The following MAPKBP1 variants were observed in gnomAD, a reference collection of about 807,000 sequenced individuals.
The protein encoded by MAPKBP1 is mitogen-activated protein kinase binding protein 1, also known as mitogen-activated protein kinase-binding protein 1.
In MAPKBP1, 71 loss-of-function variants were observed where a neutral mutation model predicts 170.5. The observed-to-expected ratio is 0.42, with a 90% CI of 0.34 to 0.51. The LOEUF (loss-of-function observed/expected upper bound fraction) is 0.51, where lower values mean the gene tolerates loss of function less well. Ranked by LOEUF, MAPKBP1 falls within the 20% of genes least tolerant of loss-of-function variation. The pLI is 0.06. For missense variants in MAPKBP1, 1,598 were observed against 1,933.0 expected, an observed-to-expected ratio of 0.83 and a Z score of 3.25; for synonymous variants, 719 against 757.9, an observed-to-expected ratio of 0.95 and a Z score of 0.84.
At chr15:41,822,184 AT>A (rs1567155880) in intron 25 of MAPKBP1, 40 bp from the exon 26 acceptor site, 2 of 1,604,872 alleles carry the variant, frequency 1.2e-6, no homozygotes, top group East Asian at 2.2e-5. Flanking sequence ...CTGGCAACAG[AT>A]GGGTGCAGTG....
At position 41,818,441 on chromosome 15, in the gene MAPKBP1, C is replaced by T. The variant is rs144048924; in HGVS notation, c.2093-78C>T. The T allele has an allele frequency of 1.0e-5, 15 of 1,482,144 alleles. No individual in the cohort carries two copies. Among genetic ancestry groups the T allele is most frequent in the African/African-American group, 4.1e-5 (3 of 72,536 alleles). The allele number at this position is 1,482,144 out of a possible 1,614,324, so 91.8% of individuals were successfully genotyped here. A position where few individuals can be genotyped will look rare whatever the true frequency, so the allele number is the denominator to read the frequency against. On this transcript the variant is annotated intron_variant, in intron 18 of 30. Coordinates refer to ENST00000457542, the MANE Select transcript of MAPKBP1 (RefSeq NM_014994.3). This position sits in a 1 kb window ranked among gnomAD's most constrained non-coding sequence, Gnocchi z 5.2. ...CTATCCCTACCCTGCAGCCAACCCC[C>T]GTGTCCACTGTTGGGATGGAGAGGA... is the stretch of plus-strand genomic sequence containing the variant.
At chr15:41,815,198 T>C in intron 10 of MAPKBP1, 61 bp from the exon 11 acceptor site, 1 of 1,600,020 alleles carries the variant, frequency 6.2e-7, no homozygotes, top group Non-Finnish European at 8.5e-7. Context: ...TTCCATCTCC[T>C]TGGGTAGGCA....
rs1055855589 is a variant in MAPKBP1 at position 41,816,764 on chromosome 15, C to T, written c.1585+114C>T. The T allele has an allele frequency of 6.2e-6, 9 of 1,453,450 alleles. 1 individual carries two copies. In the South Asian group the frequency reaches 1.1e-4, roughly 17 times the overall value. The allele number at this position is 1,453,450 out of a possible 1,614,324, so 90.0% of individuals were successfully genotyped here. A position where few individuals can be genotyped will look rare whatever the true frequency, so the allele number is the denominator to read the frequency against. ...AATCTTTGGATCATTGGTGTCTTTG[C>T]TGGTTTAGAGGAAGACAGCTCTGTC... On this transcript the variant is annotated intron_variant, in intron 13 of 30. Transcript: ENST00000457542.
intron 2 of MAPKBP1, among the ~76,000 whole-genome samples, chr15:41,782,014 C>T (rs1336539167): frequency 2.0e-5 from 3 of 149,992 alleles, no homozygotes; most frequent in Non-Finnish European, 4.4e-5. Flanking sequence ...TTTGGGAGGC[C>T]GAGGCGGGCG....
chr15:41,780,190 G>A (rs2064161838), intron 2 of MAPKBP1, among the ~76,000 whole-genome samples: 1 of 152,178 alleles, frequency 6.6e-6, no homozygotes, highest in Admixed American at 6.5e-5. Flanking sequence ...TTGCAATTTA[G>A]GGCAGGTTCC....
chr15:41,817,368 T>C lies in MAPKBP1; in HGVS notation c.1712-20T>C, dbSNP rs1361941686. 1 of 1,613,656 alleles carries C rather than the reference T, an allele frequency of 6.2e-7. No individual in the cohort carries two copies. The highest frequency in any genetic ancestry group is 8.5e-7 in the Non-Finnish European group (1 of 1,179,564). On this transcript the variant is annotated intron_variant, in intron 14 of 30. Transcript: ENST00000457542. The surrounding 1 kb of genome is among the most constrained non-coding windows in gnomAD (Gnocchi z 4.2). The stretch of plus-strand genomic sequence containing the variant: ...ATGTGGTGAGAACAGTGGGAACAGC[T>C]GGGCTTCCCTCCTTCATAGCCAGTG...
At chr15:41,813,558 G>C in intron 8 of MAPKBP1, 63 bp from the exon 9 acceptor site, 1 of 1,587,634 alleles carries the variant, frequency 6.3e-7, no homozygotes, top group Non-Finnish European at 8.6e-7. Flanking sequence ...CTGTTGATGG[G>C]TGGGGAGGAG....
chr15:41,821,184 T>C (rs79372875), intron 23 of MAPKBP1, 116 bp downstream of exon 23: 2 of 971,820 alleles, frequency 2.1e-6, no homozygotes, highest in South Asian at 1.5e-5. Flanking sequence ...CTGTGGCACA[T>C]GGGTAACCTG....
At chr15:41,779,486 G>A (rs1009312556) in intron 2 of MAPKBP1, among the ~76,000 whole-genome samples, 6 of 152,186 alleles carry the variant, frequency 3.9e-5, no homozygotes, top group South Asian at 2.1e-4. Context: ...TGGGATTACA[G>A]GTATGAGCCA....
chr15:41,787,253 AAAG>A (rs919012038), intron 2 of MAPKBP1, among the ~76,000 whole-genome samples: 7 of 152,340 alleles, frequency 4.6e-5, no homozygotes, highest in Admixed American at 6.5e-5. Context: ...AGAAAAGCAT[AAAG>A]AAGAAGAAAA....
chr15:41,788,089 C>T (rs1032745288), intron 2 of MAPKBP1, among the ~76,000 whole-genome samples: 1 of 152,062 alleles, frequency 6.6e-6, no homozygotes, highest in African/African-American at 2.4e-5. Context: ...TCCCAAGTAG[C>T]TGCGATTACA....
chr15:41,775,029 G>C (rs2064074046), intron 1 of MAPKBP1, 138 bp from the exon 2 acceptor site: 1 of 443,164 alleles, frequency 2.3e-6, no homozygotes, highest in Non-Finnish European at 4.0e-6. Flanking sequence ...CTTTCCTTCC[G>C]ACGTTGTAAG....
rs555322773 is a variant in MAPKBP1, at chr15:41,823,455, G to A, written c.3607G>A (p.Glu1203Lys). Reference sequence around the variant, plus strand: ...CTCTGTCTCCTTTGCAGAAAGACATGAGGCCAGTCTGCAGGCCCCTTCACC... The same window carrying A: ...CTCTGTCTCCTTTGCAGAAAGACATAAGGCCAGTCTGCAGGCCCCTTCACC... Reference protein sequence around the residue: ...VHSLVPQERHEASLQAPSPGA... With the variant: ...VHSLVPQERHKASLQAPSPGA... Residue 1203 changes from glutamate to lysine, a missense_variant, in exon 29 of 31, where the codon GAG (glutamate) becomes AAG (lysine). Physicochemically the swap from Glu to Lys is moderately conservative, Grantham distance 56. Around this residue, in one of 6 missense-constraint regions of MAPKBP1, gnomAD observed 942 missense variants for 953.2 expected, o/e 0.99. Transcript: ENST00000457542. 3 of 1,610,802 alleles carry A rather than the reference G, an allele frequency of 1.9e-6. No individual in the cohort carries two copies. Among genetic ancestry groups the A allele is most frequent in the African/African-American group, 2.7e-5 (2 of 74,972 alleles).
chr15:41,805,542 C>T lies in MAPKBP1; in HGVS notation c.207-5341C>T, dbSNP rs541383395. On this transcript the variant is annotated intron_variant, in intron 3 of 30. Coordinates refer to ENST00000457542, the MANE Select transcript of MAPKBP1 (RefSeq NM_014994.3). ...GATGGGAAGTGTCCCAGCAAGGTGA[C>T]GGGGTGTATCTGGCAGCTAAGAAGA... is the stretch of plus-strand genomic sequence containing the variant. Among the ~76,000 whole-genome samples, 34 of 152,302 alleles carry T rather than the reference C, an allele frequency of 2.2e-4. No individual in the cohort carries two copies. The South Asian group carries it at 6.8e-3, about 31-fold the overall frequency.
intron 2 of MAPKBP1, among the ~76,000 whole-genome samples, chr15:41,786,645 G>A (rs980231898): frequency 1.6e-4 from 24 of 149,472 alleles, no homozygotes; most frequent in Non-Finnish European, 3.1e-4. Context: ...GGTGCCCGTA[G>A]TCCCAGCTAC....
rs540052263 is a variant in MAPKBP1 at position 41,823,016 on chromosome 15, C to T, written c.3392C>T (p.Pro1131Leu). The change falls in exon 28 of 31, where the codon CCG becomes CTG. Residue 1131 changes from proline to leucine, a missense_variant. Transcript: ENST00000457542. ...AQVPQASGEQ[P>L]RGNGANPPGA... ...GTGCCACAGGCATCTGGTGAGCAGC[C>T]GAGAGGCAATGGTGCCAATCCCCCT... 22 of 1,614,070 alleles carry T rather than the reference C, an allele frequency of 1.4e-5. No homozygotes were observed. The Admixed American group carries it at 2.5e-4, about 18-fold the overall frequency.
At position 41,822,643 on chromosome 15, in the gene MAPKBP1, C is replaced by T. The variant is rs536227503; in HGVS notation, c.3280C>T (p.Arg1094Ter). 4 of 1,614,088 alleles carry T rather than the reference C, an allele frequency of 2.5e-6. No individual in the cohort carries two copies. Among genetic ancestry groups the T allele is most frequent in the Admixed American group, 1.7e-5 (1 of 60,012 alleles). Residue 1094 changes from arginine (R) to a stop codon, truncating the protein, a stop_gained, in exon 27 of 31, where the codon CGA becomes TGA. Coordinates refer to ENST00000457542, the MANE Select transcript of MAPKBP1 (RefSeq NM_014994.3). LOFTEE classifies it high-confidence loss of function. ...GTCAGAGTCTCGGAGTATCTCTTCA[C>T]GATTCCTGTTGCAAGTACAGACCCG... ...ERSESRSISS[R>*]FLLQVQTRPL...
At chr15:41,814,319 C>CT (rs2064853784) in intron 9 of MAPKBP1, among the ~76,000 whole-genome samples, 1 of 152,174 alleles carries the variant, frequency 6.6e-6, no homozygotes, top group Non-Finnish European at 1.5e-5. Context: ...AGTACCTTGT[C>CT]TAACGTTGGT....
chr15:41,777,015 G>A (rs905147852), intron 2 of MAPKBP1, among the ~76,000 whole-genome samples: 6 of 152,152 alleles, frequency 3.9e-5, no homozygotes, highest in African/African-American at 1.4e-4. Flanking sequence ...GGAAGCACAG[G>A]GGAGGCGACC....
Sources: allele counts gnomAD v4.1 joint callset (sites outside exome capture counted in the v4.1 genomes callset), GRCh38; gene constraint gnomAD v4.1.1; regional missense constraint gnomAD v4.1.1; non-coding constraint Gnocchi (gnomAD v3.1); transcripts MANE v1.5; gene names NCBI Gene and HGNC (gene_info 2026-07-23, HGNC 2026-07-21).